Variants in FBXO4 observed in about 807,000 individuals in gnomAD.
The protein encoded by FBXO4 is F-box protein 4.
Under a neutral mutation model 43.7 loss-of-function variants are expected in FBXO4, and 36 were observed. The observed-to-expected ratio is 0.82, with a 90% CI of 0.63 to 1.09. FBXO4 has a LOEUF of 1.09. Among genes scored for constraint, FBXO4 ranks in the 50% least tolerant of loss-of-function variants. The probability of loss-of-function intolerance (pLI) is 0.00; values close to 1 mark genes in which losing one functional copy is unlikely to be tolerated. For synonymous variants in FBXO4, 180 were observed against 165.6 expected, an observed-to-expected ratio of 1.09 and a Z score of -0.67; for missense variants, 435 against 474.1, an observed-to-expected ratio of 0.92 and a Z score of 0.77.
intron 3 of FBXO4, among the ~76,000 whole-genome samples, chr5:41,930,511 G>A (rs1298610371): frequency 1.3e-5 from 2 of 152,166 alleles, no homozygotes; most frequent in African/African-American, 2.4e-5. Flanking sequence ...AGAATATGAT[G>A]TATTTAGTTC....
At chr5:41,976,574 C>G in the FBXO4 span, among the ~76,000 whole-genome samples, 1 of 152,210 alleles carries the variant, frequency 6.6e-6, no homozygotes, top group Admixed American at 6.5e-5. Context: ...CCAAAATAAT[C>G]TCCTTTGATC....
the FBXO4 span, among the ~76,000 whole-genome samples, chr5:41,960,279 A>G: frequency 6.6e-6 from 1 of 151,998 alleles, no homozygotes; most frequent in East Asian, 1.9e-4. Context: ...GGTTTTCTAT[A>G]TATAATGTAA....
At chr5:41,933,428 G>A (rs989420499) in intron 3 of FBXO4, among the ~76,000 whole-genome samples, 1 of 152,092 alleles carries the variant, frequency 6.6e-6, no homozygotes, top group South Asian at 2.1e-4. Context: ...ATGTTGTCTA[G>A]GTTGGTCTTG....
At chr5:42,005,075 C>G in the FBXO4 span, among the ~76,000 whole-genome samples, 1 of 152,120 alleles carries the variant, frequency 6.6e-6, no homozygotes, top group Non-Finnish European at 1.5e-5. Flanking sequence ...CTCATCATCT[C>G]CAAACTTTCA....
At chr5:41,934,852 G>A in intron 5 of FBXO4, 1 of 987,652 alleles carries the variant, frequency 1.0e-6, no homozygotes, top group Non-Finnish European at 1.2e-6. Flanking sequence ...ATTTTTGTGT[G>A]AAATCAAAAT....
the FBXO4 span, among the ~76,000 whole-genome samples, chr5:42,021,951 G>A: frequency 6.6e-6 from 1 of 152,248 alleles, no homozygotes; most frequent in Admixed American, 6.6e-5. Flanking sequence ...GATGGTGAGA[G>A]CAAGGACAAA....
At chr5:41,957,079 A>AGGT in the FBXO4 span, among the ~76,000 whole-genome samples, 1 of 151,918 alleles carries the variant, frequency 6.6e-6, no homozygotes, top group South Asian at 2.1e-4. Context: ...TGATGGAGTG[A>AGGT]GGTGTGGTTT....
the FBXO4 span, among the ~76,000 whole-genome samples, chr5:41,956,732 A>C: frequency 6.8e-6 from 1 of 146,094 alleles, no homozygotes; most frequent in African/African-American, 2.5e-5. Context: ...TTTTTTTTAA[A>C]GATGGTATTT....
the FBXO4 span, among the ~76,000 whole-genome samples, chr5:41,992,884 A>G: frequency 1.3e-5 from 2 of 152,210 alleles, no homozygotes; most frequent in African/African-American, 2.4e-5. Context: ...ATAGTATTCT[A>G]TTAGCTTCTA....
chr5:42,001,614 A>G, the FBXO4 span, among the ~76,000 whole-genome samples: 1 of 152,182 alleles, frequency 6.6e-6, no homozygotes, highest in Non-Finnish European at 1.5e-5. Flanking sequence ...TCTTTGGTTA[A>G]GTTTATTCCT....
At chr5:41,935,822 C>T (rs894840763) in intron 5 of FBXO4, among the ~76,000 whole-genome samples, 1 of 152,110 alleles carries the variant, frequency 6.6e-6, no homozygotes, top group African/African-American at 2.4e-5. Flanking sequence ...TCCCCATAAC[C>T]CCCATGGCAC....
the FBXO4 span, among the ~76,000 whole-genome samples, chr5:41,989,510 ATTTAC>A: frequency 6.6e-6 from 1 of 152,134 alleles, no homozygotes; most frequent in African/African-American, 2.4e-5. Context: ...AATTTAGGTA[ATTTAC>A]TTTAAAGCTC....
At chr5:42,031,874 C>T in the FBXO4 span, among the ~76,000 whole-genome samples, 2 of 151,894 alleles carry the variant, frequency 1.3e-5, no homozygotes, top group South Asian at 2.1e-4. Context: ...GTGATTTAAC[C>T]TGTATCTGCA....
the FBXO4 span, among the ~76,000 whole-genome samples, chr5:41,975,270 T>C: frequency 1.3e-5 from 2 of 152,268 alleles, no homozygotes; most frequent in African/African-American, 2.4e-5. Flanking sequence ...ATCTCATCTC[T>C]TCCTGCTGGA....
the FBXO4 span, among the ~76,000 whole-genome samples, chr5:41,975,144 G>A: frequency 2.0e-5 from 3 of 152,140 alleles, no homozygotes; most frequent in Admixed American, 2.0e-4. Flanking sequence ...GCAATCCCTA[G>A]GACTCTATGG....
the FBXO4 span, among the ~76,000 whole-genome samples, chr5:41,974,310 C>T: frequency 6.6e-6 from 1 of 152,116 alleles, no homozygotes; most frequent in East Asian, 1.9e-4. Flanking sequence ...ATTTCTGTTG[C>T]CTTTTTCTCT....
the FBXO4 span, among the ~76,000 whole-genome samples, chr5:41,999,463 G>GTA: frequency 1.0e-4 from 7 of 66,938 alleles, no homozygotes; most frequent in Admixed American, 1.4e-3. Flanking sequence ...GTGTGTGTGT[G>GTA]TGTATATATA....
downstream of FBXO4, among the ~76,000 whole-genome samples, chr5:41,945,086 A>G (rs74903253): frequency 6.6e-6 from 1 of 152,332 alleles, no homozygotes; most frequent in African/African-American, 2.4e-5. Flanking sequence ...AACTGTCATT[A>G]ACATGCACAA....
In FBXO4 at chr5:41,939,504, C is replaced by T. The variant is rs779351405; in HGVS notation, c.962C>T (p.Ser321Leu). 11 of 1,613,752 alleles carry T rather than the reference C, an allele frequency of 6.8e-6. No individual in the cohort carries two copies. Among genetic ancestry groups the T allele is most frequent in the African/African-American group, 2.7e-5 (2 of 75,006 alleles). The change falls in exon 6 of 7, where the codon TCG becomes TTG. Residue 321 changes from serine (S) to leucine (L), a missense_variant. Transcript: ENST00000281623. ...ATGACAGATCCAGCCTTTGGGTCTT[C>T]GGGAAGACCATTGTTGGTTTTATCT... Reference protein sequence around the residue: ...MAMTDPAFGSSGRPLLVLSCI... With the variant: ...MAMTDPAFGSLGRPLLVLSCI...
Sources: gnomAD v4.1 joint callset for allele counts (sites outside exome capture counted in the v4.1 genomes callset) on GRCh38, gnomAD v4.1.1 for gene constraint, MANE v1.5 for transcripts, NCBI Gene and HGNC (gene_info 2026-07-23, HGNC 2026-07-21) for gene names.